KIAA2012: variants seen among roughly 807,000 people sequenced by gnomAD.
KIAA2012 encodes uncharacterized protein KIAA2012.
Under a neutral mutation model 150.6 loss-of-function variants are expected in KIAA2012, and 125 were observed. The observed-to-expected ratio is 0.83, with a 90% CI of 0.72 to 0.96. The LOEUF is 0.96. Among genes scored for constraint, KIAA2012 ranks in the 40% least tolerant of loss-of-function variants. KIAA2012 has a pLI of 0.00. For missense variants in KIAA2012, 1,219 were observed against 1,354.9 expected (o/e 0.90, Z 1.57); for synonymous variants, 462 against 504.7 (o/e 0.92, Z 1.13).
intron 15 of KIAA2012, among the ~76,000 whole-genome samples, chr2:202,166,193 G>T (rs907630992): frequency 6.6e-6 from 1 of 152,180 alleles, no homozygotes; most frequent in African/African-American, 2.4e-5. Context: ...CAGCTGGATT[G>T]CATAAAGGTT....
At chr2:202,113,704 G>T in intron 11 of KIAA2012, 1 of 444,964 alleles carries the variant, frequency 2.2e-6, no homozygotes, top group Non-Finnish European at 4.1e-6. Flanking sequence ...GGTCTAATGT[G>T]CCACGCTGAT....
intron 15 of KIAA2012, among the ~76,000 whole-genome samples, chr2:202,174,527 A>T (rs1691954770): frequency 6.6e-6 from 1 of 152,234 alleles, no homozygotes; most frequent in African/African-American, 2.4e-5. Context: ...CAATACACAG[A>T]AATCAATTGT....
intron 23 of KIAA2012, 93 bp from the exon 24 acceptor site, chr2:202,204,905 A>G (rs1048186234): frequency 6.6e-6 from 1 of 152,240 alleles, no homozygotes; most frequent in African/African-American, 2.4e-5. Context: ...AGCATCTCAA[A>G]TAATTCAACC....
intron 2 of KIAA2012, among the ~76,000 whole-genome samples, chr2:202,080,977 T>C (rs907223611): frequency 6.6e-6 from 1 of 152,218 alleles, no homozygotes; most frequent in African/African-American, 2.4e-5. Context: ...CTGAACTCCA[T>C]GTCCATGAAA....
rs571686717 is a variant in KIAA2012, at chr2:202,125,935, C to CTTTTTTTTTTTTTTTTTTT, written c.1831+671_1831+689dup. ...GAAATGTGAGTGGTGTTCCTGGCTG[C>CTTTTTTTTTTTTTTTTTTT]TTTTTTTTTTTTTTTTTTTTTTTTT... On this transcript the variant is annotated intron_variant, in intron 12 of 23. Coordinates refer to ENST00000498697, the MANE Select transcript of KIAA2012 (RefSeq NM_001277372.4). 5 of 126,960 alleles carry CTTTTTTTTTTTTTTTTTTT rather than the reference C, an allele frequency of 3.9e-5. 2 individuals carry two copies. The highest frequency in any genetic ancestry group is 2.8e-5 in the Non-Finnish European group (2 of 72,530). The allele number at this position is 126,960 out of a possible 1,614,324, so 7.9% of individuals were successfully genotyped here.
Position 202,104,215 on chromosome 2 carries a change from A to C in KIAA2012, c.1324+1101A>C, listed in dbSNP as rs6435127. 6.6e-6 allele frequency among the ~76,000 whole-genome samples: 1 copy of C among 151,976 alleles called. No homozygotes were observed. Reference sequence around the variant, plus strand: ...TTTGTCAAAACTCATTGAACTGTGCACTTAAGATCTGTGCGATTCACTCTA... The same window carrying C: ...TTTGTCAAAACTCATTGAACTGTGCCCTTAAGATCTGTGCGATTCACTCTA... On this transcript the variant is annotated intron_variant, in intron 8 of 23. Transcript: ENST00000498697. The surrounding 1 kb of genome is among the most constrained non-coding windows in gnomAD (Gnocchi z 4.3).
rs575648082 is a variant in KIAA2012, at chr2:202,144,327, AT to A, written c.1908+5821del. Among the ~76,000 whole-genome samples, 66 of 152,296 alleles carry A rather than the reference AT, an allele frequency of 4.3e-4. 1 individual carries two copies. The highest frequency in any genetic ancestry group is 1.5e-3 in the African/African-American group (63 of 41,554). ...GTTTCATAAGTTTACAACAGTATAA[AT>A]TCATATTTAATCTTATGTATCCTAA... On this transcript the variant is annotated intron_variant, in intron 13 of 23. Coordinates refer to ENST00000498697, the MANE Select transcript of KIAA2012 (RefSeq NM_001277372.4).
rs184062826 is a variant in KIAA2012, at chr2:202,089,282, A to T, written c.370-1488A>T. On this transcript the variant is annotated intron_variant, in intron 2 of 23. Transcript: ENST00000498697. The stretch of plus-strand genomic sequence containing the variant: ...TCTCATTGTTCAAGCCTGTTGAGTC[A>T]GGATTTACTGCATCCTAACCTGTAT... 1.1e-3 allele frequency among the ~76,000 whole-genome samples: 175 copies of T among 152,366 alleles called. 1 individual carries two copies. The highest frequency in any genetic ancestry group is 4.2e-3 in the African/African-American group (173 of 41,592).
intron 7 of KIAA2012, among the ~76,000 whole-genome samples, 162 bp from the exon 8 acceptor site, chr2:202,102,784 A>G (rs1448993289): frequency 6.6e-6 from 1 of 152,190 alleles, no homozygotes; most frequent in Non-Finnish European, 1.5e-5. Context: ...CAGGAGACCA[A>G]GTGGCACCAC....
intron 13 of KIAA2012, among the ~76,000 whole-genome samples, chr2:202,148,821 CACAG>C (rs1235629449): frequency 1.3e-5 from 2 of 152,102 alleles, no homozygotes; most frequent in Non-Finnish European, 2.9e-5. Flanking sequence ...TCGGCCTTGC[CACAG>C]ACAGAGTGCC....
chr2:202,164,142 C>T (rs1227954077), intron 14 of KIAA2012, among the ~76,000 whole-genome samples: 2 of 152,026 alleles, frequency 1.3e-5, no homozygotes, highest in Non-Finnish European at 2.9e-5. Flanking sequence ...GCTCTAGCAC[C>T]GAGATGAAGC....
chr2:202,119,895 C>A (rs932967708), intron 11 of KIAA2012, among the ~76,000 whole-genome samples: 5 of 152,084 alleles, frequency 3.3e-5, no homozygotes, highest in African/African-American at 1.2e-4. Flanking sequence ...TGGGAGGAAC[C>A]CGGTGGGAGG....
At chr2:202,093,290 T>G (rs1689779060) in intron 4 of KIAA2012, 105 bp downstream of exon 4, 3 of 1,164,998 alleles carry the variant, frequency 2.6e-6, no homozygotes, top group Non-Finnish European at 3.7e-6. Context: ...GATTCTGGGT[T>G]GCATAGTCCT....
intron 14 of KIAA2012, among the ~76,000 whole-genome samples, chr2:202,158,472 C>A (rs1347613259): frequency 6.6e-6 from 1 of 152,182 alleles, no homozygotes; most frequent in African/African-American, 2.4e-5. Context: ...CACGTTACTA[C>A]AGGAGAGCAT....
At chr2:202,087,771 A>C (rs1575003370) in intron 2 of KIAA2012, among the ~76,000 whole-genome samples, 1 of 152,106 alleles carries the variant, frequency 6.6e-6, no homozygotes, top group African/African-American at 2.4e-5. Flanking sequence ...AAGCAGAAGA[A>C]AGGGGCCAGC....
At chr2:202,140,940 CT>C (rs1691185533) in intron 13 of KIAA2012, among the ~76,000 whole-genome samples, 1 of 151,892 alleles carries the variant, frequency 6.6e-6, no homozygotes, top group Non-Finnish European at 1.5e-5. Context: ...AAGATTTGTA[CT>C]TTTATCACCC....
intron 14 of KIAA2012, among the ~76,000 whole-genome samples, chr2:202,156,943 A>T (rs1455759867): frequency 6.6e-6 from 1 of 152,052 alleles, no homozygotes; most frequent in African/African-American, 2.4e-5. Flanking sequence ...TTTTACAATA[A>T]TTGCTTGTAT....
intron 11 of KIAA2012, chr2:202,113,715 G>A (rs1318122469): frequency 5.1e-6 from 2 of 393,254 alleles, no homozygotes; most frequent in East Asian, 4.8e-5. Context: ...CCACGCTGAT[G>A]CCTTGATGAG....
intron 15 of KIAA2012, among the ~76,000 whole-genome samples, chr2:202,180,585 G>T (rs1258159917): frequency 6.6e-6 from 1 of 152,134 alleles, no homozygotes; most frequent in Non-Finnish European, 1.5e-5. Flanking sequence ...AATACTTTGG[G>T]AGGCCAAGGC....
Sources: allele counts gnomAD v4.1 joint callset (sites outside exome capture counted in the v4.1 genomes callset), GRCh38; gene constraint gnomAD v4.1.1; non-coding constraint Gnocchi (gnomAD v3.1); transcripts MANE v1.5; gene names NCBI Gene and HGNC (gene_info 2026-07-23, HGNC 2026-07-21).